Variants in KCNIP4 observed in about 807,000 individuals in gnomAD.
KCNIP4 encodes the protein potassium voltage-gated channel interacting protein 4, also known as Kv channel-interacting protein 4.
A neutral mutation model predicts 34.0 loss-of-function variants in KCNIP4; 12 were observed. That is an observed-to-expected ratio of 0.35 (90% CI 0.23 to 0.57). The LOEUF is 0.57. Ranked by LOEUF, KCNIP4 falls within the 20% of genes least tolerant of loss-of-function variation. KCNIP4 has a pLI of 0.83. For synonymous variants in KCNIP4, 124 were observed against 102.2 expected, an observed-to-expected ratio of 1.21 and a Z score of -1.29; for missense variants, 238 against 311.7, an observed-to-expected ratio of 0.76 and a Z score of 1.78.
At chr4:21,029,382 T>C (rs971938670) in intron 1 of KCNIP4, among the ~76,000 whole-genome samples, 3 of 152,210 alleles carry the variant, frequency 2.0e-5, no homozygotes, top group Non-Finnish European at 4.4e-5. Context: ...ATCTGAAACA[T>C]GTAGGACACT....
chr4:20,944,256 G>T (rs1731953959), intron 1 of KCNIP4, among the ~76,000 whole-genome samples: 1 of 152,152 alleles, frequency 6.6e-6, no homozygotes, highest in East Asian at 1.9e-4. Flanking sequence ...TGAGTGATCT[G>T]GAGGAGCAGT....
intron 1 of KCNIP4, among the ~76,000 whole-genome samples, chr4:21,757,904 T>A (rs752135460): frequency 6.6e-6 from 1 of 152,292 alleles, no homozygotes; most frequent in Admixed American, 6.5e-5. Context: ...TCCATGCAGA[T>A]GAAAAGACAT....
At chr4:21,858,632 A>G (rs910406133) in intron 1 of KCNIP4, among the ~76,000 whole-genome samples, 2 of 152,244 alleles carry the variant, frequency 1.3e-5, no homozygotes, top group Non-Finnish European at 2.9e-5. Context: ...TGGCATTTTT[A>G]ATATATTTAG....
intron 1 of KCNIP4, among the ~76,000 whole-genome samples, chr4:21,731,886 G>C (rs1715627958): frequency 6.6e-6 from 1 of 152,058 alleles, no homozygotes; most frequent in Non-Finnish European, 1.5e-5. Flanking sequence ...CAAAAAATCA[G>C]AACAGCTAAG....
At chr4:21,628,537 G>A (rs1012203448) in intron 1 of KCNIP4, among the ~76,000 whole-genome samples, 2 of 152,098 alleles carry the variant, frequency 1.3e-5, no homozygotes, top group Non-Finnish European at 2.9e-5. Context: ...AGAGCAAGAC[G>A]GTCTCTGCAG....
chr4:20,947,280 C>A (rs1199516678), intron 1 of KCNIP4, among the ~76,000 whole-genome samples: 1 of 152,090 alleles, frequency 6.6e-6, no homozygotes. Context: ...GTGATCCTCC[C>A]ACCTCAGCCT....
At chr4:20,880,796 G>A (rs1724600701) in intron 2 of KCNIP4, among the ~76,000 whole-genome samples, 1 of 152,130 alleles carries the variant, frequency 6.6e-6, no homozygotes, top group Non-Finnish European at 1.5e-5. Context: ...CAATAAAAGT[G>A]CCTGCAGCTT....
At chr4:21,082,503 C>T (rs1372001553) in intron 1 of KCNIP4, among the ~76,000 whole-genome samples, 1 of 151,772 alleles carries the variant, frequency 6.6e-6, no homozygotes, top group Non-Finnish European at 1.5e-5. Context: ...GTAGTATTTT[C>T]TTCCCAACAA....
At chr4:21,146,491 C>T (rs2043385) in intron 1 of KCNIP4, among the ~76,000 whole-genome samples, 53,278 of 152,056 alleles carry the variant, frequency 0.35, 9,482 homozygotes, top group African/African-American at 0.4. Context: ...TATCTTTAGA[C>T]TCCTACCACA....
intron 1 of KCNIP4, among the ~76,000 whole-genome samples, chr4:21,541,582 C>T (rs1246617588): frequency 6.6e-6 from 1 of 152,152 alleles, no homozygotes; most frequent in Non-Finnish European, 1.5e-5. Context: ...AGTCCAGTAT[C>T]CTACCCAATA....
chr4:21,071,724 T>C (rs1301906033), intron 1 of KCNIP4, among the ~76,000 whole-genome samples: 1 of 152,164 alleles, frequency 6.6e-6, no homozygotes, highest in East Asian at 1.9e-4. Flanking sequence ...ACATGTGCCA[T>C]GTTGGTGTGC....
chr4:21,763,836 T>C (rs1002874509), intron 1 of KCNIP4, among the ~76,000 whole-genome samples: 1 of 152,118 alleles, frequency 6.6e-6, no homozygotes, highest in African/African-American at 2.4e-5. Context: ...AATCACTGAT[T>C]TATCTGAAAT....
intron 1 of KCNIP4, among the ~76,000 whole-genome samples, chr4:20,972,628 G>A (rs555834458): frequency 3.9e-5 from 6 of 152,240 alleles, no homozygotes; most frequent in African/African-American, 1.4e-4. Flanking sequence ...CAGAGCACAG[G>A]CAGAATAGAT....
chr4:21,879,300 A>T (rs987726510), intron 1 of KCNIP4, among the ~76,000 whole-genome samples: 1 of 152,196 alleles, frequency 6.6e-6, no homozygotes, highest in African/African-American at 2.4e-5. Flanking sequence ...CAGAGGTATC[A>T]TATTGAAACC....
chr4:21,456,970 C>T (rs373700747), intron 1 of KCNIP4, among the ~76,000 whole-genome samples: 7 of 152,054 alleles, frequency 4.6e-5, no homozygotes, highest in African/African-American at 1.4e-4. Flanking sequence ...TTCACATCTT[C>T]TCTGATGGAA....
At chr4:21,201,437 A>G (rs1295436019) in intron 1 of KCNIP4, among the ~76,000 whole-genome samples, 2 of 152,220 alleles carry the variant, frequency 1.3e-5, no homozygotes, top group Non-Finnish European at 2.9e-5. Context: ...AAGTGCTCAC[A>G]CATTTTCATT....
chr4:21,486,021 T>A (rs1731876457), intron 1 of KCNIP4, among the ~76,000 whole-genome samples: 1 of 152,170 alleles, frequency 6.6e-6, no homozygotes, highest in South Asian at 2.1e-4. Flanking sequence ...AGGAAGCTCA[T>A]GAGAAGAATT....
chr4:21,783,547 A>T (rs889285159), intron 1 of KCNIP4, among the ~76,000 whole-genome samples: 1 of 152,328 alleles, frequency 6.6e-6, no homozygotes, highest in African/African-American at 2.4e-5. Flanking sequence ...AGTTACAGAT[A>T]AATTAGTAAT....
chr4:21,422,650 T>C (rs1353427454), intron 1 of KCNIP4, among the ~76,000 whole-genome samples: 3 of 116,732 alleles, frequency 2.6e-5, no homozygotes, highest in African/African-American at 9.8e-5. Context: ...ACATCGTTTA[T>C]GTGTGTGTTT....
Sources: allele counts gnomAD v4.1 joint callset (sites outside exome capture counted in the v4.1 genomes callset), GRCh38; gene constraint gnomAD v4.1.1; transcripts MANE v1.5; gene names NCBI Gene and HGNC (gene_info 2026-07-23, HGNC 2026-07-21).